ERG: variants seen among roughly 807,000 people sequenced by gnomAD.
ERG encodes the protein transcriptional regulator ERG.
ERG carries 9 observed loss-of-function variants against 55.3 expected under a neutral mutation model. The ratio of observed to expected loss-of-function variants is 0.16; its 90% CI spans 0.10 to 0.28. The LOEUF is 0.28. ERG is among the 10% of genes least tolerant of loss of function. ERG has a pLI of 1.00. For missense variants in ERG, 434 were observed against 631.6 expected (o/e 0.69, Z 3.35); for synonymous variants, 223 against 237.3 (o/e 0.94, Z 0.55).
intron 1 of ERG, among the ~76,000 whole-genome samples, chr21:38,580,844 G>A (rs530294955): frequency 6.6e-6 from 1 of 152,316 alleles, no homozygotes; most frequent in African/African-American, 2.4e-5. Context: ...ATGGTTAAGA[G>A]AAGGCCTAAA....
chr21:38,542,329 A>T (rs1013004685), intron 2 of ERG, among the ~76,000 whole-genome samples: 2 of 152,198 alleles, frequency 1.3e-5, no homozygotes, highest in Non-Finnish European at 2.9e-5. Context: ...AAATCCATCA[A>T]GATGTCCTGT....
Position 38,472,590 on chromosome 21 carries a change from A to ACC in ERG, c.18+25771_18+25772dup, listed in dbSNP as rs890257526. ...CCCACGTGAGGTGGCAATATTGGTT[A>ACC]CCCCCGCTGAGCTCATCACATTGCG... On this transcript the variant is annotated intron_variant, in intron 1 of 9. Coordinates refer to ENST00000288319, the MANE Select transcript of ERG (RefSeq NM_182918.4). Among the ~76,000 whole-genome samples the ACC allele has an allele frequency of 1.1e-4, 17 of 152,132 alleles. No homozygotes were observed. The East Asian group carries it at 1.2e-3, about 10-fold the overall frequency.
intron 6 of ERG, 62 bp from the exon 7 acceptor site, chr21:38,392,506 G>T (rs1222102584): frequency 3.3e-6 from 4 of 1,213,216 alleles, no homozygotes; most frequent in Non-Finnish European, 4.4e-6. Flanking sequence ...AGATGCTTTG[G>T]TTTTTTATTT....
intron 3 of ERG, among the ~76,000 whole-genome samples, chr21:38,418,925 C>T (rs1207195857): frequency 4.1e-5 from 1 of 24,198 alleles, no homozygotes; most frequent in Non-Finnish European, 7.8e-5. Context: ...GAGACTTTGT[C>T]TCAAAAAAAA....
At chr21:38,478,817 G>A (rs1387263128) in intron 1 of ERG, among the ~76,000 whole-genome samples, 6 of 152,132 alleles carry the variant, frequency 3.9e-5, no homozygotes, top group East Asian at 3.8e-4. Context: ...TAGGTGCAAC[G>A]TGAAGACTTT....
intron 2 of ERG, among the ~76,000 whole-genome samples, chr21:38,439,575 G>A (rs1298183179): frequency 6.6e-6 from 1 of 152,154 alleles, no homozygotes; most frequent in African/African-American, 2.4e-5. Context: ...GGTGGCTGTG[G>A]ACCACCGAAG....
chr21:38,418,473 A>G (rs1320369476), intron 3 of ERG, among the ~76,000 whole-genome samples: 1 of 152,104 alleles, frequency 6.6e-6, no homozygotes, highest in African/African-American at 2.4e-5. Flanking sequence ...TTTTGTAGAA[A>G]TGGGGTCCCA....
rs956523547 is a variant in ERG, at chr21:38,383,470, C to G, written c.1373G>C (p.Gly458Ala). 6.5e-7 allele frequency: 1 copy of G among 1,534,206 alleles called. No homozygotes were observed. The highest frequency in any genetic ancestry group is 2.3e-5 in the East Asian group (1 of 44,108). ...GAGCCTAGTGTTGGGGTATATACCCCCAGTTGGTGAATTCCAGTATGGGTT... is the reference window on the plus strand; with the variant it reads ...GAGCCTAGTGTTGGGGTATATACCCGCAGTTGGTGAATTCCAGTATGGGTT... ...APNPYWNSPT[G>A]GIYPNTRLPT... Residue 458 changes from glycine (G) to alanine (A), a missense_variant, in exon 10 of 10, where the codon GGG becomes GCG. This residue lies in a region of ERG where 107 missense variants were observed against 126.8 expected (regional missense o/e 0.84). Coordinates refer to ENST00000288319, the MANE Select transcript of ERG (RefSeq NM_182918.4). This position sits in a 1 kb window ranked among gnomAD's most constrained non-coding sequence, Gnocchi z 5.7.
At chr21:38,398,443 G>A (rs946378028) in intron 6 of ERG, among the ~76,000 whole-genome samples, 6 of 152,170 alleles carry the variant, frequency 3.9e-5, no homozygotes, top group Non-Finnish European at 8.8e-5. Context: ...CAGTAGCAGT[G>A]GTCAAAACAG....
At chr21:38,582,065 AAG>A (rs2060032890) in intron 1 of ERG, among the ~76,000 whole-genome samples, 3 of 149,648 alleles carry the variant, frequency 2.0e-5, no homozygotes. Context: ...AAAAAAAAAA[AAG>A]GGCAGAGGCT....
At chr21:38,430,897 T>C (rs1026478868) in intron 2 of ERG, among the ~76,000 whole-genome samples, 2 of 152,160 alleles carry the variant, frequency 1.3e-5, no homozygotes, top group Admixed American at 6.5e-5. Context: ...CATTTGGTCA[T>C]AACTGTGGTC....
chr21:38,505,627 T>C (rs1025878473), intron 2 of ERG, among the ~76,000 whole-genome samples: 13 of 152,212 alleles, frequency 8.5e-5, no homozygotes, highest in Non-Finnish European at 1.6e-4. Flanking sequence ...GGACTGGCCA[T>C]GATAAGCCAA....
chr21:38,593,790 TAAAG>T (rs1191580285), intron 1 of ERG, among the ~76,000 whole-genome samples: 1 of 152,202 alleles, frequency 6.6e-6, no homozygotes. Context: ...CAAGTCATAT[TAAAG>T]AGAGATTACA....
At chr21:38,379,512 T>C (rs77427744), downstream of ERG, among the ~76,000 whole-genome samples, 485 of 152,152 alleles carry the variant, frequency 3.2e-3, 26 homozygotes, top group East Asian at 0.082. Context: ...ATTTTTTTTT[T>C]CCATAAAGTT....
chr21:38,445,516 C>T lies in ERG; in HGVS notation c.124G>A (p.Gly42Arg). ...CGTGGGCTCATCTTGGAAGTCTGTC[C>T]ATAGTCGCTGGAGGAGGACGCGGTC... is the stretch of plus-strand genomic sequence containing the variant. ...EMTASSSSDY[G>R]QTSKMSPRVP... Residue 42 changes from glycine to arginine, a missense_variant, in exon 2 of 10, where the codon GGA (glycine) becomes AGA (arginine). Physicochemically the swap from Gly to Arg is moderately radical, Grantham distance 125 (BLOSUM62 -2). This residue lies in a region of ERG where 212 missense variants were observed against 262.9 expected (regional missense o/e 0.81). Coordinates refer to ENST00000288319, the MANE Select transcript of ERG (RefSeq NM_182918.4). 5 of 1,614,138 alleles carry T rather than the reference C, an allele frequency of 3.1e-6. No homozygotes were observed. Among genetic ancestry groups the T allele is most frequent in the Non-Finnish European group, 4.2e-6 (5 of 1,180,030 alleles).
chr21:38,655,214 C>T (rs1601360288), intron 1 of ERG, among the ~76,000 whole-genome samples: 1 of 152,088 alleles, frequency 6.6e-6, no homozygotes, highest in Admixed American at 6.5e-5. Context: ...CTAAGTAGTG[C>T]CACAGTCACC....
At chr21:38,402,189 G>C (rs1254970337) in intron 5 of ERG, among the ~76,000 whole-genome samples, 2 of 152,130 alleles carry the variant, frequency 1.3e-5, no homozygotes, top group African/African-American at 2.4e-5. Context: ...GTTGCTAAGG[G>C]CCCTTTTATA....
At chr21:38,416,863 C>T (rs1037392847) in intron 3 of ERG, among the ~76,000 whole-genome samples, 7 of 152,224 alleles carry the variant, frequency 4.6e-5, no homozygotes, top group Admixed American at 1.3e-4. Flanking sequence ...ACAAGGACAC[C>T]GGGTGGTGAA....
Position 38,511,022 on chromosome 21 carries a change from G to T in ERG, c.-41+64640C>A, listed in dbSNP as rs183018452. 4.0e-3 allele frequency among the ~76,000 whole-genome samples: 608 copies of T among 152,300 alleles called. 3 individuals are homozygous for T. Among genetic ancestry groups the T allele is most frequent in the African/African-American group, 0.014 (580 of 41,552 alleles). ...TTTTCCCAACATTCAGTATGTAAGG[G>T]ATTCACTGGATTATTAGACTGCTTG... is the stretch of plus-strand genomic sequence containing the variant. On this transcript the variant is annotated intron_variant, in intron 2 of 8. Transcript: ENST00000398897.
Sources: allele counts gnomAD v4.1 joint callset (sites outside exome capture counted in the v4.1 genomes callset), GRCh38; gene constraint gnomAD v4.1.1; regional missense constraint gnomAD v4.1.1; non-coding constraint Gnocchi (gnomAD v3.1); transcripts MANE v1.5; gene names NCBI Gene and HGNC (gene_info 2026-07-23, HGNC 2026-07-21).